The following TENM4 variants were observed in gnomAD, a reference collection of about 807,000 sequenced individuals.
TENM4 encodes teneurin transmembrane protein 4, also known as teneurin-4.
Under a neutral mutation model 243.3 loss-of-function variants are expected in TENM4, and 82 were observed. The ratio of observed to expected loss-of-function variants is 0.34; its 90% CI spans 0.28 to 0.40. The LOEUF is 0.40. TENM4 is among the 10% of genes least tolerant of loss of function. TENM4 has a pLI of 1.00. For missense variants in TENM4, 3,138 were observed against 3,673.3 expected, an observed-to-expected ratio of 0.85 and a Z score of 3.77; for synonymous variants, 1,412 against 1,456.3, an observed-to-expected ratio of 0.97 and a Z score of 0.69.
chr11:78,953,238 A>G (rs1360787575), intron 6 of TENM4, among the ~76,000 whole-genome samples: 1 of 152,148 alleles, frequency 6.6e-6, no homozygotes, highest in Admixed American at 6.5e-5. Flanking sequence ...ACTACATGCT[A>G]TGTTTGTTTA....
rs72935100 is a variant in TENM4 at position 79,440,995 on chromosome 11, C to A, written c.-807G>T. On this transcript the variant is annotated 5_prime_UTR_variant, in exon 1 of 34. Coordinates refer to ENST00000278550, the MANE Select transcript of TENM4 (RefSeq NM_001098816.3). This position sits in a 1 kb window ranked among gnomAD's most constrained non-coding sequence, Gnocchi z 4.7. ...AGAGGGCGAGCGAGAGAGAGACACA[C>A]ACACACACGCACACGCACACGCAGG... 3,280 of 153,184 alleles carry A rather than the reference C, an allele frequency of 0.021. 60 individuals are homozygous for A. Among genetic ancestry groups the A allele is most frequent in the Middle Eastern group, 0.077 (23 of 298 alleles). The allele number at this position is 153,184 out of a possible 1,614,324, so 9.5% of individuals were successfully genotyped here. A position where few individuals can be genotyped will look rare whatever the true frequency, so the allele number is the denominator to read the frequency against.
intron 3 of TENM4, among the ~76,000 whole-genome samples, chr11:79,201,804 C>T (rs780625628): frequency 3.7e-4 from 57 of 152,126 alleles, no homozygotes; most frequent in Non-Finnish European, 6.6e-4. Context: ...GGTAAAGTGA[C>T]CCAATCTCAT....
chr11:78,661,428 G>T (rs1858027317), intron 33 of TENM4, 21 bp downstream of exon 33: 1 of 1,599,070 alleles, frequency 6.3e-7, no homozygotes, highest in Non-Finnish European at 8.5e-7. Context: ...CTGAGGAGTG[G>T]CAGCCTTGTG....
intron 1 of TENM4, among the ~76,000 whole-genome samples, chr11:79,353,223 C>A (rs1533126): frequency 6.6e-6 from 1 of 152,040 alleles, no homozygotes; most frequent in Non-Finnish European, 1.5e-5. Context: ...TGGACCAGAT[C>A]GTCATTGACA....
At chr11:79,350,958 C>T (rs948764919) in intron 1 of TENM4, among the ~76,000 whole-genome samples, 4 of 152,090 alleles carry the variant, frequency 2.6e-5, no homozygotes, top group African/African-American at 9.7e-5. Flanking sequence ...CTGACCCCTC[C>T]CCTACCTCCC....
At chr11:78,844,756 G>T (rs1336711623) in intron 12 of TENM4, among the ~76,000 whole-genome samples, 1 of 152,154 alleles carries the variant, frequency 6.6e-6, no homozygotes, top group Non-Finnish European at 1.5e-5. Context: ...CAGCCTGGAA[G>T]AGAGGCCTCA....
chr11:78,902,764 G>C (rs774072844), intron 7 of TENM4, among the ~76,000 whole-genome samples: 1 of 152,198 alleles, frequency 6.6e-6, no homozygotes, highest in Non-Finnish European at 1.5e-5. Flanking sequence ...CAGGGAAGGA[G>C]GAGAGGTGGG....
chr11:78,941,207 C>A (rs565890636), intron 6 of TENM4, among the ~76,000 whole-genome samples: 2 of 152,186 alleles, frequency 1.3e-5, no homozygotes, highest in African/African-American at 4.8e-5. Flanking sequence ...TCTCTCTGAG[C>A]CTCGGTTGCC....
chr11:79,132,345 C>CA lies in TENM4; in HGVS notation c.-66+16364dup, dbSNP rs569082783. On this transcript the variant is annotated intron_variant, in intron 4 of 33. Transcript: ENST00000278550. ...TGGGAGAAAGAGCAAGACTCCAACTCAAAAAAAAAAAAAAAAAGAGAAATG... is the reference window on the plus strand; with the variant it reads ...TGGGAGAAAGAGCAAGACTCCAACTCAAAAAAAAAAAAAAAAAAGAGAAATG... Among the ~76,000 whole-genome samples, 288 of 49,950 alleles carry CA rather than the reference C, an allele frequency of 5.8e-3. 13 individuals carry two copies. Among genetic ancestry groups the CA allele is most frequent in the Admixed American group, 0.045 (174 of 3,908 alleles). The allele number at this position is 49,950 out of a possible 152,430, so 32.8% of individuals were successfully genotyped here.
intron 4 of TENM4, among the ~76,000 whole-genome samples, chr11:79,125,275 G>A (rs1404979807): frequency 6.6e-6 from 1 of 152,130 alleles, no homozygotes; most frequent in African/African-American, 2.4e-5. Flanking sequence ...AAGCTGGTTG[G>A]TTGCTCTTAA....
At chr11:79,152,278 T>C (rs1862525721) in intron 3 of TENM4, among the ~76,000 whole-genome samples, 1 of 152,168 alleles carries the variant, frequency 6.6e-6, no homozygotes, top group Non-Finnish European at 1.5e-5. Context: ...CTTTGCTTAG[T>C]CAGAAAATGA....
Position 78,676,281 on chromosome 11 carries a change from G to C in TENM4, c.5367C>G (p.Gly1789=). The C allele has an allele frequency of 6.2e-7, 1 of 1,612,800 alleles. No homozygotes were observed. The highest frequency in any genetic ancestry group is 8.5e-7 in the Non-Finnish European group (1 of 1,178,968). The change falls in exon 30 of 34, where the codon GGC becomes GGG. Residue 1789 remains glycine, a synonymous_variant. Transcript: ENST00000278550. ...TCTTGCCCACGGTGGGGTTGACGGT[G>C]CCAGCCAGCAAGTGGGGCTCAGTCT... The part of the protein sequence containing the change: ...ALQTEPHLLA[G]TVNPTVGKRN...
intron 6 of TENM4, among the ~76,000 whole-genome samples, chr11:78,979,828 A>G (rs1230703006): frequency 6.6e-6 from 1 of 152,170 alleles, no homozygotes; most frequent in Non-Finnish European, 1.5e-5. Flanking sequence ...ATCCATCATC[A>G]GTTATCAACT....
intron 6 of TENM4, among the ~76,000 whole-genome samples, chr11:79,002,935 C>A (rs1435697726): frequency 1.3e-5 from 2 of 151,974 alleles, no homozygotes; most frequent in Non-Finnish European, 2.9e-5. Flanking sequence ...ATAAAATGGC[C>A]ATTTTAAGAA....
intron 1 of TENM4, among the ~76,000 whole-genome samples, chr11:79,423,885 C>T (rs10501443): frequency 0.22 from 33,358 of 152,036 alleles, 3,846 homozygotes; most frequent in East Asian, 0.36. Context: ...TCCTTCAAGT[C>T]GACGTCAAAT....
intron 15 of TENM4, among the ~76,000 whole-genome samples, chr11:78,803,253 C>A (rs535943656): frequency 3.3e-5 from 5 of 152,096 alleles, no homozygotes; most frequent in Non-Finnish European, 7.4e-5. Flanking sequence ...TGGTCTTGAA[C>A]TCCTTGACAT....
At chr11:79,166,782 CA>C (rs1862924608) in intron 3 of TENM4, among the ~76,000 whole-genome samples, 1 of 152,142 alleles carries the variant, frequency 6.6e-6, no homozygotes, top group African/African-American at 2.4e-5. Flanking sequence ...AGAATCAGTG[CA>C]GGGTTTTGAA....
At chr11:79,069,319 T>TA (rs1383079116) in intron 5 of TENM4, among the ~76,000 whole-genome samples, 1 of 152,182 alleles carries the variant, frequency 6.6e-6, no homozygotes, top group Non-Finnish European at 1.5e-5. Flanking sequence ...TACTTGGTAT[T>TA]ATCAGGCTTA....
chr11:79,324,687 G>T (rs1856945463), intron 1 of TENM4, among the ~76,000 whole-genome samples: 1 of 152,032 alleles, frequency 6.6e-6, no homozygotes, highest in Admixed American at 6.5e-5. Flanking sequence ...TGTATATATA[G>T]ATATATAGAG....
Sources: gnomAD v4.1 joint callset for allele counts (sites outside exome capture counted in the v4.1 genomes callset) on GRCh38, gnomAD v4.1.1 for gene constraint, Gnocchi (gnomAD v3.1) non-coding constraint, MANE v1.5 for transcripts, NCBI Gene and HGNC (gene_info 2026-07-23, HGNC 2026-07-21) for gene names.